NNT: variants seen among roughly 807,000 people sequenced by gnomAD.
NNT encodes the protein NAD(P) transhydrogenase, mitochondrial.
Under a neutral mutation model 104.8 loss-of-function variants are expected in NNT, and 50 were observed. That is an observed-to-expected ratio of 0.48 (90% CI 0.38 to 0.60). The LOEUF is 0.60. Ranked by LOEUF, NNT falls within the 20% of genes least tolerant of loss-of-function variation. NNT has a pLI of 0.00. For synonymous variants in NNT, 461 were observed against 490.4 expected (o/e 0.94, Z 0.79); for missense variants, 1,131 against 1,330.7 (o/e 0.85, Z 2.33).
At chr5:43,633,392 A>G (rs1489908117) in intron 7 of NNT, among the ~76,000 whole-genome samples, 2 of 152,222 alleles carry the variant, frequency 1.3e-5, no homozygotes, top group African/African-American at 4.8e-5. Context: ...CAAATGGGCC[A>G]AGATACTTTT....
Position 43,659,275 on chromosome 5 carries a change from C to G in NNT, c.2559C>G (p.Leu853=). Reference sequence around the variant, plus strand: ...CCCTGTGTGCAGAGGGCTTCCTGCTCAACAACAATCTGCTGACCATCGTGG... The same window carrying G: ...CCCTGTGTGCAGAGGGCTTCCTGCTGAACAACAATCTGCTGACCATCGTGG... ...GWALCAEGFL[L]NNNLLTIVGA... Residue 853 remains leucine, a synonymous_variant, in exon 17 of 22, where the codon CTC becomes CTG. Transcript: ENST00000344920. 1 of 1,614,006 alleles carries G rather than the reference C, an allele frequency of 6.2e-7. No individual in the cohort carries two copies. The highest frequency in any genetic ancestry group is 2.2e-5 in the East Asian group (1 of 44,888).
chr5:43,701,254 C>T (rs1742835747), intron 20 of NNT, among the ~76,000 whole-genome samples: 1 of 152,124 alleles, frequency 6.6e-6, no homozygotes, highest in Admixed American at 6.6e-5. Flanking sequence ...TTCTGGTAGT[C>T]TCCAGGTTCT....
chr5:43,612,407 C>A (rs1270443249), intron 2 of NNT, among the ~76,000 whole-genome samples: 1 of 152,222 alleles, frequency 6.6e-6, no homozygotes, highest in African/African-American at 2.4e-5. Context: ...TAAGATACAA[C>A]ACTTAGAAAT....
intron 4 of NNT, among the ~76,000 whole-genome samples, chr5:43,616,534 G>C (rs928697793): frequency 1.3e-5 from 2 of 152,216 alleles, no homozygotes; most frequent in Admixed American, 6.5e-5. Flanking sequence ...ATAGGAAAAA[G>C]GTCTGGACTA....
intron 6 of NNT, among the ~76,000 whole-genome samples, chr5:43,626,095 T>G (rs1222894444): frequency 1.3e-5 from 2 of 151,660 alleles, no homozygotes; most frequent in African/African-American, 4.8e-5. Flanking sequence ...CATATACATG[T>G]ACATACAGTA....
In NNT at chr5:43,651,828, G is replaced by A. The variant is rs200637111; in HGVS notation, c.1807G>A (p.Gly603Ser). Residue 603 changes from glycine to serine, a missense_variant, in exon 13 of 22, where the codon GGC (glycine) becomes AGC (serine). Transcript: ENST00000344920. ...EYNYLYLLPA[G>S]TFVGGYLAAL... ...CAACTACCTGTACCTGCTCCCTGCC[G>A]GCACCTTTGTTGGTGGATATTTAGC... 2.4e-5 allele frequency: 38 copies of A among 1,614,066 alleles called. 1 individual carries two copies. The South Asian group carries it at 3.4e-4, about 14-fold the overall frequency.
chr5:43,679,664 A>G lies in NNT; in HGVS notation c.2876+1858A>G, dbSNP rs536183681. On this transcript the variant is annotated intron_variant, in intron 19 of 21. Transcript: ENST00000344920. The stretch of plus-strand genomic sequence containing the variant: ...AGAATTTTATCTATGAGGACATGAT[A>G]TAAACTACTGTTGTAGGATGATTTC... Among the ~76,000 whole-genome samples the G allele has an allele frequency of 7.9e-5, 12 of 152,350 alleles. No homozygotes were observed. The South Asian group carries it at 2.5e-3, about 32-fold the overall frequency.
chr5:43,629,041 G>A (rs1454152252), intron 7 of NNT, among the ~76,000 whole-genome samples: 2 of 151,984 alleles, frequency 1.3e-5, no homozygotes, highest in Non-Finnish European at 2.9e-5. Context: ...TGGGGAGCAG[G>A]TGGTGTTTGG....
intron 19 of NNT, among the ~76,000 whole-genome samples, chr5:43,693,881 T>G (rs1742418180): frequency 6.6e-6 from 1 of 152,224 alleles, no homozygotes; most frequent in Non-Finnish European, 1.5e-5. Flanking sequence ...AACAACCCAC[T>G]GAAGGAAGGG....
chr5:43,603,477 C>T (rs1459355154), intron 1 of NNT, among the ~76,000 whole-genome samples, 183 bp downstream of exon 1: 1 of 152,062 alleles, frequency 6.6e-6, no homozygotes, highest in Admixed American at 6.5e-5. Context: ...GTCCGCAGGC[C>T]GCAGGCTTAG....
intron 5 of NNT, 84 bp downstream of exon 5, chr5:43,619,203 A>C: frequency 1.5e-6 from 1 of 657,572 alleles, no homozygotes; most frequent in Non-Finnish European, 2.3e-6. Flanking sequence ...AGTTATTTAA[A>C]AATTTTTATA....
intron 21 of NNT, 21 bp downstream of exon 21, chr5:43,702,757 T>C: frequency 6.6e-7 from 1 of 1,510,050 alleles, no homozygotes; most frequent in Non-Finnish European, 9.1e-7. Flanking sequence ...AGACTTGTAT[T>C]TCATTCTGAT....
intron 11 of NNT, 111 bp downstream of exon 11, chr5:43,649,419 A>T (rs973557276): frequency 1.3e-5 from 16 of 1,210,892 alleles, no homozygotes; most frequent in Non-Finnish European, 1.8e-5. Flanking sequence ...TTTGCTTGGC[A>T]TCTGAGTCAT....
intron 7 of NNT, among the ~76,000 whole-genome samples, chr5:43,640,928 A>G (rs1751199180): frequency 6.6e-6 from 1 of 151,528 alleles, no homozygotes; most frequent in African/African-American, 2.4e-5. Flanking sequence ...AAATTTAGGA[A>G]GTGCTTTTTT....
At chr5:43,656,546 C>A in intron 15 of NNT, 107 bp from the exon 16 acceptor site, 1 of 1,045,410 alleles carries the variant, frequency 9.6e-7, no homozygotes, top group Non-Finnish European at 1.4e-6. Context: ...TAAACAGCAT[C>A]CTCATAATCC....
In NNT at chr5:43,624,108, G is replaced by T. The variant is rs765665754; in HGVS notation, c.764G>T (p.Gly255Val). 1 of 1,614,104 alleles carries T rather than the reference G, an allele frequency of 6.2e-7. No homozygotes were observed. The highest frequency in any genetic ancestry group is 8.5e-7 in the Non-Finnish European group (1 of 1,179,988). The stretch of plus-strand genomic sequence containing the variant: ...AAGTCGATGGGTGCAATTGTTCGAG[G>T]ATTTGACACAAGGTGAGTGCTTTAC... ...AAKSMGAIVR[G>V]FDTRAAALEQ... Residue 255 changes from glycine (G) to valine (V), a missense_variant, in exon 6 of 22, where the codon GGA becomes GTA. By Grantham distance (109) the Gly-to-Val change is moderately radical (BLOSUM62 -3). Transcript: ENST00000344920.
intron 17 of NNT, among the ~76,000 whole-genome samples, chr5:43,659,866 A>G (rs936376427): frequency 3.9e-5 from 6 of 152,212 alleles, no homozygotes; most frequent in Admixed American, 3.3e-4. Flanking sequence ...AAAGATGAAA[A>G]TCTTCTAGTG....
At chr5:43,698,068 C>A (rs942112754) in intron 19 of NNT, among the ~76,000 whole-genome samples, 2 of 151,490 alleles carry the variant, frequency 1.3e-5, no homozygotes, top group African/African-American at 4.9e-5. Context: ...GGTGGAGTTT[C>A]TCTTTGGATA....
intron 20 of NNT, 74 bp downstream of exon 20, chr5:43,700,311 T>C: frequency 9.4e-7 from 1 of 1,068,974 alleles, no homozygotes; most frequent in Admixed American, 2.0e-5. Flanking sequence ...GGGATATGAA[T>C]TGTAGATTCA....
Sources: allele counts gnomAD v4.1 joint callset (sites outside exome capture counted in the v4.1 genomes callset), GRCh38; gene constraint gnomAD v4.1.1; transcripts MANE v1.5; gene names NCBI Gene and HGNC (gene_info 2026-07-23, HGNC 2026-07-21).